The following DIAPH3 variants were observed in gnomAD, a reference collection of about 807,000 sequenced individuals.
DIAPH3 encodes protein diaphanous homolog 3.
A neutral mutation model predicts 144.3 loss-of-function variants in DIAPH3; 117 were observed. That is an observed-to-expected ratio of 0.81 (90% CI 0.70 to 0.95). The LOEUF is 0.95. DIAPH3 is among the 40% of genes least tolerant of loss of function. DIAPH3 has a pLI of 0.00. For missense variants in DIAPH3, 1,421 were observed against 1,412.7 expected (o/e 1.01, Z -0.09); for synonymous variants, 519 against 488.9 (o/e 1.06, Z -0.81).
intron 20 of DIAPH3, among the ~76,000 whole-genome samples, chr13:59,891,643 T>TA (rs982024841): frequency 2.0e-5 from 3 of 152,042 alleles, no homozygotes; most frequent in African/African-American, 7.2e-5. Flanking sequence ...GGTAATTTTT[T>TA]ACCTCGAAGT....
chr13:60,056,066 T>C lies in DIAPH3; in HGVS notation c.496-13246A>G, dbSNP rs147925444. On this transcript the variant is annotated intron_variant, in intron 4 of 27. Transcript: ENST00000400324. ...TCCAAACACAAGAAACCTAATTGTA[T>C]TTCAAATGAACAATAATGTCAGAGA... Among the ~76,000 whole-genome samples, 46 of 151,856 alleles carry C rather than the reference T, an allele frequency of 3.0e-4. No homozygotes were observed. In the Middle Eastern group the frequency reaches 0.01, roughly 34 times the overall value.
chr13:59,744,729 C>A (rs1379738806), intron 27 of DIAPH3, among the ~76,000 whole-genome samples: 1 of 152,166 alleles, frequency 6.6e-6, no homozygotes, highest in African/African-American at 2.4e-5. Flanking sequence ...GATTAGCTTT[C>A]TTTGGCCAGG....
At chr13:60,102,431 A>G (rs1221031994) in intron 3 of DIAPH3, among the ~76,000 whole-genome samples, 1 of 151,834 alleles carries the variant, frequency 6.6e-6, no homozygotes, top group Non-Finnish European at 1.5e-5. Context: ...GTCACTTTTT[A>G]AATATTTGCT....
At chr13:59,851,948 A>T (rs1353072858) in intron 22 of DIAPH3, among the ~76,000 whole-genome samples, 6 of 147,792 alleles carry the variant, frequency 4.1e-5, no homozygotes, top group East Asian at 2.0e-4. Flanking sequence ...AACTAACTTT[A>T]TTTTTTTTTT....
intron 5 of DIAPH3, among the ~76,000 whole-genome samples, chr13:60,022,361 C>T (rs1032874197): frequency 2.0e-5 from 3 of 152,194 alleles, no homozygotes; most frequent in African/African-American, 7.2e-5. Flanking sequence ...AGTCTTTCAT[C>T]AGTAAATAGA....
chr13:59,877,938 T>G (rs1179962774), intron 21 of DIAPH3, among the ~76,000 whole-genome samples: 1 of 152,110 alleles, frequency 6.6e-6, no homozygotes, highest in Non-Finnish European at 1.5e-5. Context: ...CCCATTTCTC[T>G]CTGAATATCT....
chr13:60,122,576 C>G (rs547123810), intron 2 of DIAPH3, among the ~76,000 whole-genome samples: 1 of 152,258 alleles, frequency 6.6e-6, no homozygotes, highest in South Asian at 2.1e-4. Flanking sequence ...TTCCTATCTT[C>G]CAGGCCTGGA....
rs368997820 is a variant in DIAPH3 at position 59,666,562 on chromosome 13, T to A, written c.*22A>T. ...ATGGCTTTATATTTGGCTTAATCAT[T>A]TTTTTTAAAAACCAGTTTAACTTAT... On this transcript the variant is annotated 3_prime_UTR_variant, in exon 28 of 28. Coordinates refer to ENST00000400324, the MANE Select transcript of DIAPH3 (RefSeq NM_001042517.2). 5.6e-6 allele frequency: 9 copies of A among 1,613,468 alleles called. No individual in the cohort carries two copies. In the African/African-American group the frequency reaches 1.2e-4, roughly 22 times the overall value.
intron 9 of DIAPH3, among the ~76,000 whole-genome samples, chr13:60,002,751 A>G (rs1278603706): frequency 6.6e-6 from 1 of 152,100 alleles, no homozygotes; most frequent in East Asian, 1.9e-4. Context: ...CCAAATATCC[A>G]CCCAAAATGC....
rs191110360 is a variant in DIAPH3 at position 59,886,837 on chromosome 13, G to T, written c.2368-7369C>A. ...TTTTTCAATTCACATAGACAATTAGGTCAGCTGAAAAAAAGAAAAAGATGG... is the reference window on the plus strand; with the variant it reads ...TTTTTCAATTCACATAGACAATTAGTTCAGCTGAAAAAAAGAAAAAGATGG... On this transcript the variant is annotated intron_variant, in intron 20 of 27. Coordinates refer to ENST00000400324, the MANE Select transcript of DIAPH3 (RefSeq NM_001042517.2). Among the ~76,000 whole-genome samples the T allele has an allele frequency of 1.3e-3, 191 of 151,638 alleles. 1 individual carries two copies. Among genetic ancestry groups the T allele is most frequent in the Admixed American group, 2.6e-3 (39 of 15,220 alleles).
intron 27 of DIAPH3, among the ~76,000 whole-genome samples, chr13:59,771,472 A>G (rs1566285658): frequency 6.6e-6 from 1 of 152,056 alleles, no homozygotes; most frequent in Non-Finnish European, 1.5e-5. Context: ...AAACAGTGCT[A>G]TCTAGTGGCT....
intron 16 of DIAPH3, 113 bp from the exon 17 acceptor site, chr13:59,970,171 T>C: frequency 2.0e-6 from 1 of 510,472 alleles, no homozygotes; most frequent in South Asian, 3.9e-5. Context: ...TATAAAGTCG[T>C]ATCTGTAAGA....
chr13:59,698,496 C>T (rs2033934972), intron 27 of DIAPH3, among the ~76,000 whole-genome samples: 1 of 152,166 alleles, frequency 6.6e-6, no homozygotes, highest in African/African-American at 2.4e-5. Flanking sequence ...CTACCAAACA[C>T]AACAGTTGCT....
intron 4 of DIAPH3, among the ~76,000 whole-genome samples, chr13:60,060,525 A>G (rs2056727124): frequency 6.6e-6 from 1 of 152,142 alleles, no homozygotes; most frequent in South Asian, 2.1e-4. Flanking sequence ...TTTGCAGGGT[A>G]GGGTAAGGGA....
intron 4 of DIAPH3, among the ~76,000 whole-genome samples, chr13:60,053,224 A>G (rs1423991488): frequency 6.6e-6 from 1 of 152,020 alleles, no homozygotes; most frequent in Non-Finnish European, 1.5e-5. Context: ...AGAGGGAAGT[A>G]CGGGGAGGAA....
intron 22 of DIAPH3, among the ~76,000 whole-genome samples, chr13:59,840,406 A>G (rs1182092558): frequency 2.0e-5 from 3 of 152,158 alleles, no homozygotes; most frequent in African/African-American, 7.2e-5. Context: ...AGTTTTATCT[A>G]TAAGGATAGG....
At chr13:59,704,342 T>C (rs2034294074) in intron 27 of DIAPH3, among the ~76,000 whole-genome samples, 1 of 152,222 alleles carries the variant, frequency 6.6e-6, no homozygotes, top group Non-Finnish European at 1.5e-5. Context: ...TACAGACAGG[T>C]AGACTTTGCT....
intron 3 of DIAPH3, among the ~76,000 whole-genome samples, chr13:60,095,143 A>G (rs949851599): frequency 3.9e-5 from 6 of 152,178 alleles, no homozygotes; most frequent in African/African-American, 9.7e-5. Flanking sequence ...AGAGATTCAC[A>G]CACCTAAAAA....
intron 2 of DIAPH3, among the ~76,000 whole-genome samples, chr13:60,121,902 GTC>G (rs1315346666): frequency 6.6e-6 from 1 of 152,060 alleles, no homozygotes; most frequent in East Asian, 1.9e-4. Flanking sequence ...TCTTCTCTCT[GTC>G]TCTACTGTCG....
Sources: allele counts gnomAD v4.1 joint callset (sites outside exome capture counted in the v4.1 genomes callset), GRCh38; gene constraint gnomAD v4.1.1; transcripts MANE v1.5; gene names NCBI Gene and HGNC (gene_info 2026-07-23, HGNC 2026-07-21).